SOX6: variants seen among roughly 807,000 people sequenced by gnomAD.
SOX6 encodes the protein transcription factor SOX-6.
In SOX6, 11 loss-of-function variants were observed where a neutral mutation model predicts 97.8. The ratio of observed to expected loss-of-function variants is 0.11; its 90% CI spans 0.07 to 0.19. The LOEUF (loss-of-function observed/expected upper bound fraction) is 0.19. SOX6 is among the 10% of genes least tolerant of loss of function. The probability of loss-of-function intolerance (pLI) is 1.00; values close to 1 mark genes in which losing one functional copy is unlikely to be tolerated. For synonymous variants in SOX6, 360 were observed against 371.4 expected, an observed-to-expected ratio of 0.97 and a Z score of 0.35; for missense variants, 810 against 1,039.5, an observed-to-expected ratio of 0.78 and a Z score of 3.04.
At chr11:16,509,595 A>T (rs577266632) in intron 4 of SOX6, among the ~76,000 whole-genome samples, 1 of 152,248 alleles carries the variant, frequency 6.6e-6, no homozygotes, top group Non-Finnish European at 1.5e-5. Flanking sequence ...TAAATACCAG[A>T]GTAAACACTA....
In SOX6 at chr11:16,208,557, G is replaced by A. The variant is rs189197885; in HGVS notation, c.536-21602C>T. Among the ~76,000 whole-genome samples the A allele has an allele frequency of 1.2e-3, 178 of 152,270 alleles. 1 individual carries two copies. The highest frequency in any genetic ancestry group is 1.8e-3 in the Non-Finnish European group (120 of 68,004). On this transcript the variant is annotated intron_variant, in intron 4 of 15. Transcript: ENST00000683767. ...TGAAAAAATGACTGACAGACAAAGA[G>A]TGGTTATTTAGATTTGAATTTTTAA...
chr11:16,346,948 G>A (rs75491173), intron 1 of SOX6, among the ~76,000 whole-genome samples: 4,545 of 152,122 alleles, frequency 0.03, 95 homozygotes, highest in Non-Finnish European at 0.049. Context: ...GAACTACCTG[G>A]AACAGATTCT....
At chr11:16,733,185 T>C (rs1848364041) in intron 2 of SOX6, among the ~76,000 whole-genome samples, 4 of 152,244 alleles carry the variant, frequency 2.6e-5, no homozygotes, top group Admixed American at 2.6e-4. Flanking sequence ...CTCAAGGATC[T>C]AGAACAAGAA....
chr11:16,447,614 A>G (rs1443794338), intron 1 of SOX6, among the ~76,000 whole-genome samples: 1 of 152,146 alleles, frequency 6.6e-6, no homozygotes, highest in East Asian at 1.9e-4. Context: ...GTAGAGTACA[A>G]AATTTATCTT....
intron 4 of SOX6, among the ~76,000 whole-genome samples, chr11:16,611,066 G>A (rs1208364683): frequency 6.6e-6 from 1 of 152,234 alleles, no homozygotes; most frequent in Non-Finnish European, 1.5e-5. Flanking sequence ...CTGCCTCTGT[G>A]TTGTCCGAAT....
chr11:16,083,921 C>T (rs1848525181), intron 9 of SOX6, among the ~76,000 whole-genome samples: 1 of 152,140 alleles, frequency 6.6e-6, no homozygotes, highest in African/African-American at 2.4e-5. Context: ...ACCCTCAAAG[C>T]CTCTGAAGAC....
intron 4 of SOX6, among the ~76,000 whole-genome samples, chr11:16,545,143 C>T (rs1847603095): frequency 6.6e-6 from 1 of 151,650 alleles, no homozygotes; most frequent in Non-Finnish European, 1.5e-5. Flanking sequence ...AAAGCAATGA[C>T]ATAGCAATAG....
intron 3 of SOX6, among the ~76,000 whole-genome samples, chr11:16,688,529 T>G (rs1157764125): frequency 1.3e-5 from 2 of 152,196 alleles, no homozygotes; most frequent in Non-Finnish European, 2.9e-5. Flanking sequence ...TATTTAATCT[T>G]TTCTTCTGTA....
chr11:16,582,586 A>G (rs934524004), intron 4 of SOX6, among the ~76,000 whole-genome samples: 4 of 152,098 alleles, frequency 2.6e-5, no homozygotes, highest in African/African-American at 9.6e-5. Context: ...ATGTAAAATG[A>G]CAGAATTAGG....
chr11:16,124,364 C>T (rs947489043), intron 6 of SOX6, among the ~76,000 whole-genome samples: 2 of 151,914 alleles, frequency 1.3e-5, no homozygotes, highest in Non-Finnish European at 2.9e-5. Context: ...CACATATACA[C>T]ATGAACAAAT....
chr11:16,563,346 G>C (rs1389013490), intron 4 of SOX6, among the ~76,000 whole-genome samples: 2 of 152,190 alleles, frequency 1.3e-5, no homozygotes. Flanking sequence ...TCAAGAGGCT[G>C]AGACAGAAGG....
intron 4 of SOX6, among the ~76,000 whole-genome samples, chr11:16,520,972 C>G (rs1442409814): frequency 6.6e-6 from 1 of 152,208 alleles, no homozygotes; most frequent in African/African-American, 2.4e-5. Context: ...AACAAAGCAG[C>G]CGGGAAGCTC....
rs780313444 is a variant in SOX6, at chr11:16,186,952, G to T, written c.539C>A (p.Thr180Lys). 6.2e-7 allele frequency: 1 copy of T among 1,613,724 alleles called. No homozygotes were observed. The highest frequency in any genetic ancestry group is 1.7e-5 in the Admixed American group (1 of 59,976). ...TSELLGEIKG[T>K]PESLAEKERQ... ...TTCTTTTTCTGCCAGGCTCTCAGGT[G>T]TACCTAAAATGGAAGCAAGAAGAGA... The change falls in exon 5 of 16, where the codon ACA becomes AAA. Residue 180 changes from threonine to lysine, a missense_variant. Physicochemically the swap from Thr to Lys is moderately conservative, Grantham distance 78. Around this residue, in one of 9 missense-constraint regions of SOX6, gnomAD observed 110 missense variants for 119.0 expected, o/e 0.92. Coordinates refer to ENST00000683767, the MANE Select transcript of SOX6 (RefSeq NM_001367873.1).
chr11:16,579,442 A>G (rs1216726170), intron 4 of SOX6, among the ~76,000 whole-genome samples: 3 of 151,956 alleles, frequency 2.0e-5, no homozygotes, highest in Non-Finnish European at 4.4e-5. Flanking sequence ...CCTCTTCCCA[A>G]TTAATTACCC....
chr11:16,200,363 T>G (rs993745889), intron 4 of SOX6, among the ~76,000 whole-genome samples: 4 of 152,212 alleles, frequency 2.6e-5, no homozygotes, highest in Admixed American at 6.5e-5. Context: ...TGAATACATT[T>G]TTACAAGCTA....
At chr11:16,612,228 CCTCT>C (rs1326799377) in exon 4 of SOX6, 4 of 148,398 alleles carry the variant, frequency 2.7e-5, no homozygotes, top group South Asian at 2.2e-4. Context: ...CCTCTCTCTC[CCTCT>C]CTCTTTCATT....
Position 16,248,314 on chromosome 11 carries a change from C to T in SOX6, c.446-13643G>A, listed in dbSNP as rs192078130. ...CCATTTTGGGTCTGGAGAATGGTGGCCCTCTTCTCACAGCTCTACTAGGCA... is the reference window on the plus strand; with the variant it reads ...CCATTTTGGGTCTGGAGAATGGTGGTCCTCTTCTCACAGCTCTACTAGGCA... On this transcript the variant is annotated intron_variant, in intron 3 of 15. Transcript: ENST00000683767. Among the ~76,000 whole-genome samples, 145 of 152,128 alleles carry T rather than the reference C, an allele frequency of 9.5e-4. 1 individual carries two copies. Among genetic ancestry groups the T allele is most frequent in the Admixed American group, 4.1e-3 (62 of 15,286 alleles).
rs534239008 is a variant in SOX6, at chr11:16,589,037, A to G, written n.609+23044T>C. On this transcript the variant is annotated intron_variant and non_coding_transcript_variant, in intron 4 of 5. Coordinates refer to the SOX6 transcript ENST00000524520. ...AGACCAATCCCCTCCCAAAAAAATA[A>G]AAACAAAAATACCATACTACTGCTT... 3.6e-4 allele frequency among the ~76,000 whole-genome samples: 55 copies of G among 152,246 alleles called. 1 individual carries two copies. The East Asian group carries it at 0.01, about 28-fold the overall frequency.
chr11:16,282,072 C>G (rs7928191), intron 3 of SOX6, among the ~76,000 whole-genome samples: 141,498 of 148,858 alleles, frequency 0.95, 67,629 homozygotes, highest in East Asian at 1. Context: ...ACAATGCACA[C>G]TAGATGCAAG....
Sources: gnomAD v4.1 joint callset for allele counts (sites outside exome capture counted in the v4.1 genomes callset) on GRCh38, gnomAD v4.1.1 for gene constraint, gnomAD v4.1.1 regional missense constraint, MANE v1.5 for transcripts, NCBI Gene and HGNC (gene_info 2026-07-23, HGNC 2026-07-21) for gene names.